BST2: variants seen among roughly 807,000 people sequenced by gnomAD.
The protein encoded by BST2 is bone marrow stromal antigen 2.
BST2 carries 10 observed loss-of-function variants against 18.6 expected under a neutral mutation model. That is an observed-to-expected ratio of 0.54 (90% CI 0.33 to 0.91). The LOEUF (loss-of-function observed/expected upper bound fraction) is 0.91. BST2 is among the 40% of genes least tolerant of loss of function. BST2 has a pLI of 0.02. For synonymous variants in BST2, 75 were observed against 96.8 expected (o/e 0.77, Z 1.32); for missense variants, 183 against 228.4 (o/e 0.80, Z 1.28).
Position 17,405,549 on chromosome 19 carries a change from G to A in BST2, c.27C>T (p.Cys9=). The A allele has an allele frequency of 6.2e-7, 1 of 1,613,216 alleles. No individual in the cohort carries two copies. The highest frequency in any genetic ancestry group is 1.1e-5 in the South Asian group (1 of 91,008). The stretch of plus-strand genomic sequence containing the variant: ...TATCCCCGTCTTCCATGGGCACTCT[G>A]CAATAGTCATACGAAGTAGATGCCA... MASTSYDY[C]RVPMEDGDKR... is the part of the protein sequence containing the mutation. Residue 9 remains cysteine (C), a synonymous_variant, in exon 1 of 5, where the codon TGC becomes TGT. Coordinates refer to ENST00000252593, the MANE Select transcript of BST2 (RefSeq NM_004335.4).
Position 17,405,569 on chromosome 19 carries a change from A to T in BST2, c.7T>A (p.Ser3Thr). MA[S>T]TSYDYCRVPM... Reference sequence around the variant, plus strand: ...ACTCTGCAATAGTCATACGAAGTAGATGCCATCCAGATCTCCCCTTTAGAG... The same window carrying T: ...ACTCTGCAATAGTCATACGAAGTAGTTGCCATCCAGATCTCCCCTTTAGAG... The change falls in exon 1 of 5, where the codon TCT becomes ACT. Residue 3 changes from serine (S) to threonine (T), a missense_variant. Coordinates refer to ENST00000252593, the MANE Select transcript of BST2 (RefSeq NM_004335.4). 1 of 1,576,810 alleles carries T rather than the reference A, an allele frequency of 6.3e-7. No homozygotes were observed. The highest frequency in any genetic ancestry group is 1.1e-5 in the South Asian group (1 of 89,238).
chr19:17,403,448 C>T (rs1394387049), intron 4 of BST2, 122 bp from the exon 5 acceptor site: 1 of 833,558 alleles, frequency 1.2e-6, no homozygotes, highest in Admixed American at 6.0e-5. Flanking sequence ...TAAGCCCCTC[C>T]CCTCCATCGA....
chr19:17,405,304 C>CAGGTGG lies in BST2; in HGVS notation c.266_271dup (p.Thr90_Cys91insSerThr). The CAGGTGG allele has an allele frequency of 2.5e-6, 4 of 1,611,182 alleles. No homozygotes were observed. The highest frequency in any genetic ancestry group is 3.4e-6 in the Non-Finnish European group (4 of 1,178,600). ...TGAGGAGCTTACCACAGTGTGGTTG[C>CAGGTGG]AGGTGGCGGCCTGGGCCTCCACATC... On this transcript the variant is annotated inframe_insertion, in exon 1 of 5. Transcript: ENST00000252593.
At position 17,403,337 on chromosome 19, in the gene BST2, A is replaced by G. The variant is rs577129205; in HGVS notation, c.*16-11T>C. On this transcript the variant is annotated splice_polypyrimidine_tract_variant and intron_variant, in intron 4 of 4. Coordinates refer to ENST00000252593, the MANE Select transcript of BST2 (RefSeq NM_004335.4). ...CCTTCCAAGATGTGCCTAAAGGACC[A>G]GAAGAGGGACTCAGGGCAGACTGGA... 37 of 1,124,736 alleles carry G rather than the reference A, an allele frequency of 3.3e-5. No individual in the cohort carries two copies. Among genetic ancestry groups the G allele is most frequent in the Admixed American group, 9.3e-5 (2 of 21,466 alleles). The allele number at this position is 1,124,736 out of a possible 1,614,324, so 69.7% of individuals were successfully genotyped here. A position where few individuals can be genotyped will look rare whatever the true frequency, so the allele number is the denominator to read the frequency against.
In BST2 at chr19:17,403,728, A is replaced by C; in HGVS notation, c.510T>G (p.Ile170Met). ...GCAGAGCGCTGAGGCCCAGCAGCAC[A>C]ATCAGCAGCTGGGGCGCCGCAGCGG... Reference protein sequence around the residue: ...SSSAAAPQLLIVLLGLSALLQ With the variant: ...SSSAAAPQLLMVLLGLSALLQ Residue 170 changes from isoleucine (I) to methionine (M), a missense_variant, in exon 4 of 5, where the codon ATT (isoleucine) becomes ATG (methionine). Transcript: ENST00000252593. 6.2e-7 allele frequency: 1 copy of C among 1,613,252 alleles called. No homozygotes were observed. The highest frequency in any genetic ancestry group is 8.5e-7 in the Non-Finnish European group (1 of 1,179,686).
At chr19:17,404,272 C>G (rs118079631) in intron 2 of BST2, 83 bp from the exon 3 acceptor site, 41,924 of 1,548,538 alleles carry the variant, frequency 0.027, 668 homozygotes, top group South Asian at 0.035. Context: ...GACAGAACCT[C>G]CCCCTTACCC....
chr19:17,404,237 A>C, intron 2 of BST2, 48 bp from the exon 3 acceptor site: 1 of 1,581,772 alleles, frequency 6.3e-7, no homozygotes, highest in Non-Finnish European at 8.7e-7. Context: ...GCATGTGGCC[A>C]TGCTGGGGCC....
Position 17,403,188 on chromosome 19 carries a change from A to C in BST2, c.*154T>G. On this transcript the variant is annotated 3_prime_UTR_variant, in exon 5 of 5. Transcript: ENST00000252593. ...CCCAGGACTTCCCCATGGCCCCTCC[A>C]GACCTGCTCCAGAGGCCCTTCTCCG... 1 of 994,868 alleles carries C rather than the reference A, an allele frequency of 1.0e-6. No individual in the cohort carries two copies. Among genetic ancestry groups the C allele is most frequent in the Non-Finnish European group, 1.2e-6 (1 of 835,506 alleles). The allele number at this position is 994,868 out of a possible 1,614,324, so 61.6% of individuals were successfully genotyped here. A position where few individuals can be genotyped will look rare whatever the true frequency, so the allele number is the denominator to read the frequency against.
chr19:17,404,052 C>T, intron 3 of BST2, 77 bp downstream of exon 3: 2 of 1,475,352 alleles, frequency 1.4e-6, no homozygotes, highest in Non-Finnish European at 1.8e-6. Context: ...CAAAGGAGAT[C>T]CTGGGTCTTG....
Position 17,405,498 on chromosome 19 carries a change from T to C in BST2, c.78A>G (p.Ile26Met), listed in dbSNP as rs1444534608. ...GDKRCKLLLG[I>M]GILVLLIIVI... The stretch of plus-strand genomic sequence containing the variant: ...CGATGATCAGGAGCACCAGAATTCC[T>C]ATCCCCAGCAGAAGCTTACAGCGCT... Residue 26 changes from isoleucine (I) to methionine (M), a missense_variant, in exon 1 of 5, where the codon ATA becomes ATG. Transcript: ENST00000252593. 1.9e-6 allele frequency: 3 copies of C among 1,614,238 alleles called. No individual in the cohort carries two copies. Among genetic ancestry groups the C allele is most frequent in the Non-Finnish European group, 2.5e-6 (3 of 1,180,038 alleles).
chr19:17,405,416 G>A lies in BST2; in HGVS notation c.160C>T (p.Arg54Trp), dbSNP rs200950817. 86 of 1,614,224 alleles carry A rather than the reference G, an allele frequency of 5.3e-5. 1 individual carries two copies. The East Asian group carries it at 1.3e-3, about 25-fold the overall frequency. The change falls in exon 1 of 5, where the codon CGG becomes TGG. Residue 54 changes from arginine (R) to tryptophan (W), a missense_variant. Transcript: ENST00000252593. ...TCCATCACTGCCCGAAGGCCGTCCC[G>A]GCAGGCCTCGCTGTTGGCCTTGATG... The part of the protein sequence containing the change: ...FTIKANSEAC[R>W]DGLRAVMECR...
chr19:17,405,326 C>T lies in BST2; in HGVS notation c.250G>A (p.Val84Met). Residue 84 changes from valine to methionine, a missense_variant, in exon 1 of 5, where the codon GTG becomes ATG. Val to Met is a conservative substitution (Grantham distance 21). Coordinates refer to ENST00000252593, the MANE Select transcript of BST2 (RefSeq NM_004335.4). The part of the protein sequence containing the change: ...LTEAQKGFQD[V>M]EAQAATCNHT... ...TTGCAGGTGGCGGCCTGGGCCTCCA[C>T]ATCCTGAAAGCCCTTCTGGGCCTCG... is the stretch of plus-strand genomic sequence containing the variant. 2 of 1,613,576 alleles carry T rather than the reference C, an allele frequency of 1.2e-6. No individual in the cohort carries two copies. The highest frequency in any genetic ancestry group is 1.7e-6 in the Non-Finnish European group (2 of 1,179,702).
intron 3 of BST2, 95 bp from the exon 4 acceptor site, chr19:17,403,919 C>A: frequency 6.7e-7 from 1 of 1,502,686 alleles, no homozygotes. Context: ...CCCGCACCGC[C>A]CCAATCCAAG....
At chr19:17,405,116 G>A (rs758852813) in intron 1 of BST2, among the ~76,000 whole-genome samples, 175 bp downstream of exon 1, 32 of 152,312 alleles carry the variant, frequency 2.1e-4, no homozygotes, top group Non-Finnish European at 4.0e-4. Context: ...ACTGGGTTAG[G>A]GGCCCACAAA....
rs1437268930 is a variant in BST2 at position 17,403,663 on chromosome 19, G to T, written c.*15+17C>A. 7.0e-6 allele frequency: 11 copies of T among 1,576,582 alleles called. No individual in the cohort carries two copies. The highest frequency in any genetic ancestry group is 4.1e-5 in the African/African-American group (3 of 72,696). On this transcript the variant is annotated intron_variant, in intron 4 of 4. Coordinates refer to ENST00000252593, the MANE Select transcript of BST2 (RefSeq NM_004335.4). ...CAGCTTTCTTCTCCCTCCCGGGGCCGCCCCCTCCTCACTGACCAGCTTCCT... is the reference window on the plus strand; with the variant it reads ...CAGCTTTCTTCTCCCTCCCGGGGCCTCCCCCTCCTCACTGACCAGCTTCCT...
rs1470115156 is a variant in BST2 at position 17,403,789 on chromosome 19, T to C, written c.449A>G (p.Asp150Gly). Residue 150 changes from aspartate (D) to glycine (G), a missense_variant, in exon 4 of 5, where the codon GAC becomes GGC. Transcript: ENST00000252593. ...ENQVLSVRIADKKYYPSSQDS... is the reference protein window; with the variant it reads ...ENQVLSVRIAGKKYYPSSQDS... ...CTGGGAGCTGGGGTAGTACTTCTTG[T>C]CCGCGATTCTCACGCTTAAGACCTG... 2 of 1,613,826 alleles carry C rather than the reference T, an allele frequency of 1.2e-6. No individual in the cohort carries two copies. The highest frequency in any genetic ancestry group is 1.7e-6 in the Non-Finnish European group (2 of 1,179,944).
chr19:17,403,500 A>C (rs969809042), intron 4 of BST2, among the ~76,000 whole-genome samples, 174 bp from the exon 5 acceptor site: 1 of 129,988 alleles, frequency 7.7e-6, no homozygotes, highest in Non-Finnish European at 1.6e-5. Context: ...TACAGCTATC[A>C]GCCCGTCCCC....
At chr19:17,403,659 G>A (rs1183756662) in intron 4 of BST2, 21 bp downstream of exon 4, 1 of 1,605,052 alleles carries the variant, frequency 6.2e-7, no homozygotes. Context: ...TCCCTCCCGG[G>A]GCCGCCCCCT....
chr19:17,403,340 AGAGG>A lies in BST2; in HGVS notation c.*16-18_*16-15del. On this transcript the variant is annotated splice_polypyrimidine_tract_variant and intron_variant, in intron 4 of 4. Transcript: ENST00000252593. ...TCCAAGATGTGCCTAAAGGACCAGA[AGAGG>A]GACTCAGGGCAGACTGGAGGCAGCA... The A allele has an allele frequency of 8.8e-7, 1 of 1,130,110 alleles. No individual in the cohort carries two copies. Among genetic ancestry groups the A allele is most frequent in the Non-Finnish European group, 1.1e-6 (1 of 914,744 alleles). The allele number at this position is 1,130,110 out of a possible 1,614,324, so 70.0% of individuals were successfully genotyped here.
Sources: allele counts gnomAD v4.1 joint callset (sites outside exome capture counted in the v4.1 genomes callset), GRCh38; gene constraint gnomAD v4.1.1; transcripts MANE v1.5; gene names NCBI Gene and HGNC (gene_info 2026-07-23, HGNC 2026-07-21).